Variants in VWA5B1 observed in about 807,000 individuals in gnomAD.
The protein encoded by VWA5B1 is von Willebrand factor A domain containing 5B1.
VWA5B1 carries 115 observed loss-of-function variants against 118.2 expected under a neutral mutation model. The observed-to-expected ratio is 0.97, with a 90% confidence interval of 0.84 to 1.14. VWA5B1 has a LOEUF of 1.14. VWA5B1 is among the 50% of genes most tolerant of loss of function. The pLI, the probability that VWA5B1 is intolerant of heterozygous loss-of-function variation, is 0.00. For missense variants in VWA5B1, 1,596 were observed against 1,603.8 expected (o/e 1.00, Z 0.08); for synonymous variants, 682 against 658.4 (o/e 1.04, Z -0.55).
intron 20 of VWA5B1, among the ~76,000 whole-genome samples, chr1:20,351,607 G>A (rs1266248767): frequency 2.0e-5 from 3 of 152,066 alleles, no homozygotes; most frequent in African/African-American, 7.3e-5. Flanking sequence ...AACCGAGATT[G>A]CTCCACTGCA....
Position 20,314,428 on chromosome 1 carries a change from G to C in VWA5B1, c.399G>C (p.Gly133=). Residue 133 remains glycine, a synonymous_variant, in exon 4 of 22, where the codon GGG becomes GGC. Coordinates refer to ENST00000289815, the MANE Select transcript of VWA5B1 (RefSeq NM_001039500.3). ...LERILFVANL[G]TIAPMENVTI... ...GGATCCTGTTCGTGGCCAACCTGGG[G>C]ACCATTGCCCCCATGGAGAATGTCA... 1 of 1,551,944 alleles carries C rather than the reference G, an allele frequency of 6.4e-7. No individual in the cohort carries two copies. Among genetic ancestry groups the C allele is most frequent in the Non-Finnish European group, 8.7e-7 (1 of 1,147,046 alleles).
chr1:20,317,927 G>T (rs1467836325), intron 5 of VWA5B1, among the ~76,000 whole-genome samples: 1 of 151,662 alleles, frequency 6.6e-6, no homozygotes, highest in East Asian at 1.9e-4. Flanking sequence ...CATGGGGAAT[G>T]GTGGCCCTTG....
Position 20,313,064 on chromosome 1 carries a change from A to G in VWA5B1, c.292+76A>G, listed in dbSNP as rs1309487565. On this transcript the variant is annotated intron_variant, in intron 3 of 21. Transcript: ENST00000289815. The stretch of plus-strand genomic sequence containing the variant: ...GCTGCCTGGGCTGGAGCCTCAGGCC[A>G]ACTGCAAGGATAGCAGTGGGATATG... 75 of 1,506,240 alleles carry G rather than the reference A, an allele frequency of 5.0e-5. 1 individual carries two copies. Among genetic ancestry groups the G allele is most frequent in the South Asian group, 4.5e-4 (35 of 77,432 alleles). The allele number at this position is 1,506,240 out of a possible 1,614,324, so 93.3% of individuals were successfully genotyped here.
chr1:20,341,929 T>G (rs1239170647), intron 14 of VWA5B1, among the ~76,000 whole-genome samples: 1 of 152,074 alleles, frequency 6.6e-6, no homozygotes, highest in Non-Finnish European at 1.5e-5. Context: ...CAAGAAAAAA[T>G]CTGATTCCTT....
chr1:20,302,127 G>C (rs1362466403), intron 1 of VWA5B1, among the ~76,000 whole-genome samples: 1 of 152,050 alleles, frequency 6.6e-6, no homozygotes, highest in African/African-American at 2.4e-5. Context: ...CCAGCCTCCT[G>C]TCCAGACTGA....
chr1:20,354,650 G>T lies in VWA5B1; in HGVS notation c.*387G>T. On this transcript the variant is annotated 3_prime_UTR_variant, in exon 22 of 22. Coordinates refer to ENST00000289815, the MANE Select transcript of VWA5B1 (RefSeq NM_001039500.3). ...GCCCTGTCTGGAGGTAGACCACGTG[G>T]GCACGGAGTGGACACAGCAATGCCC... 1 of 246,642 alleles carries T rather than the reference G, an allele frequency of 4.1e-6. No homozygotes were observed. The highest frequency in any genetic ancestry group is 7.8e-6 in the Non-Finnish European group (1 of 127,438). The allele number at this position is 246,642 out of a possible 1,614,324, so 15.3% of individuals were successfully genotyped here.
chr1:20,317,155 C>CAAA (rs367872784), intron 4 of VWA5B1, among the ~76,000 whole-genome samples: 1,390 of 70,444 alleles, frequency 0.02, 28 homozygotes, highest in Non-Finnish European at 0.031. Flanking sequence ...GACTGCATCT[C>CAAA]AAAAAAAAAA....
chr1:20,302,093 C>A (rs2088517949), intron 1 of VWA5B1, among the ~76,000 whole-genome samples: 1 of 152,146 alleles, frequency 6.6e-6, no homozygotes, highest in Non-Finnish European at 1.5e-5. Flanking sequence ...AGCTGGAAGC[C>A]CCAGACACCG....
At chr1:20,329,135 T>G (rs1475292733) in intron 9 of VWA5B1, among the ~76,000 whole-genome samples, 1 of 152,198 alleles carries the variant, frequency 6.6e-6, no homozygotes. Flanking sequence ...TCTTTCCATT[T>G]TATTTAGTCA....
rs1312250093 is a variant in VWA5B1, at chr1:20,337,772, C to A, written c.2069C>A (p.Ala690Asp). Residue 690 changes from alanine to aspartate, a missense_variant, in exon 14 of 22, where the codon GCC becomes GAC. Ala to Asp is a moderately radical substitution (Grantham distance 126). Transcript: ENST00000289815. ...GCCAAGAGATACCCACTGCGGAAAGCCAGGCTGCAGGACCTCACCAACCAG... is the reference window on the plus strand; with the variant it reads ...GCCAAGAGATACCCACTGCGGAAAGACAGGCTGCAGGACCTCACCAACCAG... ...PAAKRYPLRK[A>D]RLQDLTNQTS... 78 of 1,551,704 alleles carry A rather than the reference C, an allele frequency of 5.0e-5. No homozygotes were observed. The highest frequency in any genetic ancestry group is 6.5e-5 in the Non-Finnish European group (74 of 1,147,036).
chr1:20,300,368 G>A (rs1276105845), intron 1 of VWA5B1, among the ~76,000 whole-genome samples: 1 of 152,182 alleles, frequency 6.6e-6, no homozygotes, highest in Non-Finnish European at 1.5e-5. Flanking sequence ...AATCTGAAGA[G>A]ATGGGTGGCA....
intron 1 of VWA5B1, among the ~76,000 whole-genome samples, chr1:20,298,010 T>G (rs796571851): frequency 2.8e-5 from 4 of 141,416 alleles, no homozygotes; most frequent in South Asian, 2.3e-4. Flanking sequence ...TTTTTTTTTT[T>G]TTTTTTTTGT....
chr1:20,300,210 G>A (rs1022046987), intron 1 of VWA5B1, among the ~76,000 whole-genome samples: 4 of 152,116 alleles, frequency 2.6e-5, no homozygotes, highest in Non-Finnish European at 4.4e-5. Context: ...AATCCCTCTG[G>A]CACTCAGGAA....
intron 6 of VWA5B1, 124 bp from the exon 7 acceptor site, chr1:20,319,258 G>A: frequency 7.2e-7 from 1 of 1,397,062 alleles, no homozygotes; most frequent in South Asian, 1.4e-5. Flanking sequence ...GGCAGCCAGG[G>A]CTTCCACCCC....
chr1:20,293,173 C>T (rs2088343534), intron 1 of VWA5B1, among the ~76,000 whole-genome samples: 2 of 152,242 alleles, frequency 1.3e-5, no homozygotes, highest in Admixed American at 6.5e-5. Flanking sequence ...ACTCAGCCAT[C>T]CCTGTGGCCC....
intron 4 of VWA5B1, among the ~76,000 whole-genome samples, chr1:20,316,294 C>T (rs752704278): frequency 1.3e-4 from 20 of 152,114 alleles, no homozygotes; most frequent in Non-Finnish European, 2.5e-4. Context: ...GGAGCACGGA[C>T]AGGGATATTC....
rs1276788235 is a variant in VWA5B1 at position 20,343,279 on chromosome 1, C to A, written c.2512C>A (p.Arg838=). The A allele has an allele frequency of 6.5e-7, 1 of 1,548,002 alleles. No homozygotes were observed. The highest frequency in any genetic ancestry group is 8.7e-7 in the Non-Finnish European group (1 of 1,146,722). ...CGAGCTGGGGACCCCTGGACCGGAGCGGGGCGGCGCGCAGGATGCCGACCT... is the reference window on the plus strand; with the variant it reads ...CGAGCTGGGGACCCCTGGACCGGAGAGGGGCGGCGCGCAGGATGCCGACCT... ...SFELGTPGPE[R]GGAQDADLWS... Residue 838 remains arginine, a synonymous_variant, in exon 16 of 22, where the codon CGG becomes AGG. Transcript: ENST00000289815.
intron 3 of VWA5B1, among the ~76,000 whole-genome samples, chr1:20,313,900 G>A (rs1261627985): frequency 6.6e-6 from 1 of 152,202 alleles, no homozygotes. Flanking sequence ...GACCAAGGAG[G>A]TGTTCACGGA....
Position 20,354,391 on chromosome 1 carries a change from A to G in VWA5B1, c.*128A>G. On this transcript the variant is annotated 3_prime_UTR_variant, in exon 22 of 22. Transcript: ENST00000289815. ...TTTCAGTTACTAGAAAGAGCCCTGG[A>G]CTGGCAGCCAGGAGGCCTGAGTTCA... is the stretch of plus-strand genomic sequence containing the variant. 8.0e-7 allele frequency: 1 copy of G among 1,242,338 alleles called. No homozygotes were observed. Among genetic ancestry groups the G allele is most frequent in the Non-Finnish European group, 1.1e-6 (1 of 922,808 alleles). The allele number at this position is 1,242,338 out of a possible 1,614,324, so 77.0% of individuals were successfully genotyped here.
Sources: allele counts gnomAD v4.1 joint callset (sites outside exome capture counted in the v4.1 genomes callset), GRCh38; gene constraint gnomAD v4.1.1; transcripts MANE v1.5; gene names NCBI Gene and HGNC (gene_info 2026-07-23, HGNC 2026-07-21).